The following TRAK2 variants were observed in gnomAD, a reference collection of about 807,000 sequenced individuals.
TRAK2 encodes trafficking kinesin-binding protein 2.
TRAK2 carries 81 observed loss-of-function variants against 104.6 expected under a neutral mutation model. That is an observed-to-expected ratio of 0.77 (90% CI 0.65 to 0.93). TRAK2 has a LOEUF of 0.93. Among genes scored for constraint, TRAK2 ranks in the 40% least tolerant of loss-of-function variants. The pLI is 0.00. For missense variants in TRAK2, 1,002 were observed against 1,089.0 expected (o/e 0.92, Z 1.12); for synonymous variants, 406 against 394.4 (o/e 1.03, Z -0.35).
At chr2:201,381,458 T>C (rs1951345010) in intron 15 of TRAK2, among the ~76,000 whole-genome samples, 1 of 152,196 alleles carries the variant, frequency 6.6e-6, no homozygotes, top group Non-Finnish European at 1.5e-5. Context: ...GATATTTCTT[T>C]TCAGTGGGAT....
chr2:201,449,739 G>A (rs1031847928), intron 1 of TRAK2, among the ~76,000 whole-genome samples: 14 of 151,592 alleles, frequency 9.2e-5, no homozygotes, highest in Non-Finnish European at 1.6e-4. Context: ...CTCTGCCTCC[G>A]GGTTCAAGCA....
intron 2 of TRAK2, chr2:201,413,246 A>T: frequency 7.3e-7 from 1 of 1,364,774 alleles, no homozygotes; most frequent in Non-Finnish European, 1.0e-6. Context: ...TCATTACAGC[A>T]CTAGTGACAT....
chr2:201,387,606 C>T, intron 13 of TRAK2, 97 bp downstream of exon 13: 2 of 1,269,242 alleles, frequency 1.6e-6, no homozygotes, highest in Non-Finnish European at 2.2e-6. Context: ...ATCATCTGCA[C>T]ATAATGTTCC....
At chr2:201,424,808 T>C (rs559244243) in intron 1 of TRAK2, among the ~76,000 whole-genome samples, 29 of 151,956 alleles carry the variant, frequency 1.9e-4, no homozygotes, top group African/African-American at 3.4e-4. Flanking sequence ...GGGGTTTCAC[T>C]GTGTTAGCCA....
In TRAK2 at chr2:201,436,927, A is replaced by T. The variant is rs531560752; in HGVS notation, c.-200+14423T>A. On this transcript the variant is annotated intron_variant, in intron 1 of 15. Coordinates refer to ENST00000332624, the MANE Select transcript of TRAK2 (RefSeq NM_015049.3). ...GTATTATAAACACATATAATTCTAG[A>T]TTTATTCTAGAATTATCTGCATATT... Among the ~76,000 whole-genome samples, 31 of 152,246 alleles carry T rather than the reference A, an allele frequency of 2.0e-4. No homozygotes were observed. The South Asian group carries it at 6.4e-3, about 32-fold the overall frequency.
chr2:201,408,359 T>A (rs1951614946), intron 2 of TRAK2, among the ~76,000 whole-genome samples: 1 of 152,222 alleles, frequency 6.6e-6, no homozygotes, highest in Admixed American at 6.5e-5. Context: ...GGGGTCCATG[T>A]GCAGGTTTGT....
intron 1 of TRAK2, among the ~76,000 whole-genome samples, chr2:201,433,948 C>T (rs1951862559): frequency 6.6e-6 from 1 of 151,796 alleles, no homozygotes; most frequent in Non-Finnish European, 1.5e-5. Context: ...CATGGGACTG[C>T]CCTTCATAAT....
At position 201,442,911 on chromosome 2, in the gene TRAK2, C is replaced by A. The variant is rs147702414; in HGVS notation, c.-200+8439G>T. Among the ~76,000 whole-genome samples, 690 of 152,258 alleles carry A rather than the reference C, an allele frequency of 4.5e-3. 7 individuals carry two copies. Among genetic ancestry groups the A allele is most frequent in the Non-Finnish European group, 5.4e-3 (364 of 68,018 alleles). On this transcript the variant is annotated intron_variant, in intron 1 of 15. Coordinates refer to ENST00000332624, the MANE Select transcript of TRAK2 (RefSeq NM_015049.3). The stretch of plus-strand genomic sequence containing the variant: ...AACTTACTTTTTATTATATACCTTT[C>A]AATTTTTCTACCATGTGTATATGTA...
chr2:201,391,711 G>T (rs1190868467), intron 10 of TRAK2, among the ~76,000 whole-genome samples: 2 of 152,162 alleles, frequency 1.3e-5, no homozygotes, highest in African/African-American at 4.8e-5. Flanking sequence ...CACCTGCAAT[G>T]GGCTAAACAG....
intron 1 of TRAK2, among the ~76,000 whole-genome samples, chr2:201,434,952 G>A (rs967203440): frequency 2.0e-5 from 3 of 152,104 alleles, no homozygotes; most frequent in Admixed American, 1.3e-4. Context: ...ATTTAGTGAC[G>A]GTCATATGTA....
intron 4 of TRAK2, 46 bp downstream of exon 4, chr2:201,400,972 C>A: frequency 6.8e-7 from 1 of 1,478,752 alleles, no homozygotes; most frequent in South Asian, 1.2e-5. Flanking sequence ...CCAAATGATC[C>A]TCAAGTTTTA....
chr2:201,406,557 G>T (rs1037770239), intron 3 of TRAK2, among the ~76,000 whole-genome samples: 11 of 152,194 alleles, frequency 7.2e-5, no homozygotes, highest in Non-Finnish European at 1.5e-4. Context: ...CTTCTCCAAC[G>T]ACAATCTGGC....
chr2:201,384,926 T>C (rs2125640318), intron 14 of TRAK2, among the ~76,000 whole-genome samples: 1 of 152,310 alleles, frequency 6.6e-6, no homozygotes, highest in South Asian at 2.1e-4. Flanking sequence ...AAAACACTTG[T>C]GCAACTGATT....
intron 1 of TRAK2, among the ~76,000 whole-genome samples, chr2:201,442,425 G>C (rs1421623262): frequency 6.6e-6 from 1 of 151,488 alleles, no homozygotes; most frequent in African/African-American, 2.4e-5. Flanking sequence ...GCAGAGATTT[G>C]ACGCTTGGAC....
intron 1 of TRAK2, among the ~76,000 whole-genome samples, chr2:201,427,104 T>C (rs1951795390): frequency 1.3e-5 from 2 of 152,160 alleles, no homozygotes; most frequent in Non-Finnish European, 2.9e-5. Context: ...CAACATACAG[T>C]AGACACTCAA....
chr2:201,385,572 C>T (rs1281434640), intron 14 of TRAK2, among the ~76,000 whole-genome samples: 1 of 152,138 alleles, frequency 6.6e-6, no homozygotes, highest in East Asian at 1.9e-4. Context: ...CTACTACTTA[C>T]CTAGTTTTAG....
intron 2 of TRAK2, among the ~76,000 whole-genome samples, chr2:201,418,364 T>A (rs929746382): frequency 9.2e-5 from 14 of 152,234 alleles, no homozygotes; most frequent in African/African-American, 3.1e-4. Flanking sequence ...TTTGTAGAGA[T>A]GGGGTCTCAT....
chr2:201,441,135 A>G (rs961119601), intron 1 of TRAK2, among the ~76,000 whole-genome samples: 5 of 152,238 alleles, frequency 3.3e-5, no homozygotes, highest in African/African-American at 1.2e-4. Context: ...GCCTTGAAAA[A>G]CACAGTTAAG....
At chr2:201,419,513 CTT>C (rs1491273377) in intron 2 of TRAK2, 5 of 153,700 alleles carry the variant, frequency 3.3e-5, no homozygotes, top group African/African-American at 1.2e-4. Flanking sequence ...AACAAGCAAA[CTT>C]AAAGTGGCAG....
Sources: gnomAD v4.1 joint callset for allele counts (sites outside exome capture counted in the v4.1 genomes callset) on GRCh38, gnomAD v4.1.1 for gene constraint, MANE v1.5 for transcripts, NCBI Gene and HGNC (gene_info 2026-07-23, HGNC 2026-07-21) for gene names.